The following EML6 variants were observed in gnomAD, a reference collection of about 807,000 sequenced individuals.
The protein encoded by EML6 is EMAP like 6.
A neutral mutation model predicts 240.1 loss-of-function variants in EML6; 154 were observed. The ratio of observed to expected loss-of-function variants is 0.64; its 90% CI spans 0.56 to 0.73. The LOEUF is 0.73. Among genes scored for constraint, EML6 ranks in the 30% least tolerant of loss-of-function variants. The pLI is 0.00. For missense variants in EML6, 2,964 were observed against 2,474.6 expected, an observed-to-expected ratio of 1.20 and a Z score of -4.20; for synonymous variants, 1,148 against 899.0, an observed-to-expected ratio of 1.28 and a Z score of -4.95.
intron 32 of EML6, among the ~76,000 whole-genome samples, chr2:54,954,745 C>A (rs913575332): frequency 2.0e-5 from 3 of 152,192 alleles, no homozygotes; most frequent in African/African-American, 7.2e-5. Context: ...ACACAAGCTG[C>A]AACTGAATGT....
chr2:54,924,859 A>C (rs1231281464), intron 26 of EML6, among the ~76,000 whole-genome samples: 1 of 151,490 alleles, frequency 6.6e-6, no homozygotes, highest in African/African-American at 2.4e-5. Context: ...CACTGCACCC[A>C]GCCTCTTCTT....
At chr2:54,803,806 C>G (rs1670307825) in intron 2 of EML6, among the ~76,000 whole-genome samples, 1 of 152,172 alleles carries the variant, frequency 6.6e-6, no homozygotes, top group Non-Finnish European at 1.5e-5. Context: ...AAATTCTCCT[C>G]CTCTTAGAGT....
At chr2:54,908,351 A>T (rs1453390945) in intron 24 of EML6, among the ~76,000 whole-genome samples, 2 of 152,076 alleles carry the variant, frequency 1.3e-5, no homozygotes, top group African/African-American at 4.8e-5. Flanking sequence ...CTGAGACCAC[A>T]GGTGCCTGCC....
At chr2:54,921,427 A>G (rs2104349559) in intron 26 of EML6, among the ~76,000 whole-genome samples, 1 of 152,286 alleles carries the variant, frequency 6.6e-6, no homozygotes, top group Admixed American at 6.5e-5. Context: ...AAATCGAAGA[A>G]GACACAAATA....
At chr2:54,914,404 C>T (rs1458804507) in intron 25 of EML6, among the ~76,000 whole-genome samples, 1 of 152,038 alleles carries the variant, frequency 6.6e-6, no homozygotes, top group African/African-American at 2.4e-5. Flanking sequence ...TTTAGTGCCC[C>T]CAAATAAGTA....
chr2:54,939,388 A>T (rs1217312661), intron 28 of EML6, among the ~76,000 whole-genome samples: 1 of 152,116 alleles, frequency 6.6e-6, no homozygotes, highest in Admixed American at 6.5e-5. Context: ...GTGATAGTGG[A>T]TGTTTAGGAG....
intron 2 of EML6, among the ~76,000 whole-genome samples, chr2:54,788,263 C>G (rs546641198): frequency 1.3e-5 from 2 of 152,192 alleles, no homozygotes; most frequent in Admixed American, 1.3e-4. Context: ...GGGCTGCCCT[C>G]TTCTCTCTGG....
chr2:54,888,380 A>G (rs775975064), intron 17 of EML6, among the ~76,000 whole-genome samples: 5 of 152,210 alleles, frequency 3.3e-5, no homozygotes, highest in Admixed American at 6.5e-5. Flanking sequence ...CCTGGGTTAC[A>G]TGATAACTGA....
intron 24 of EML6, among the ~76,000 whole-genome samples, chr2:54,903,705 T>A (rs1673175357): frequency 6.6e-6 from 1 of 152,238 alleles, no homozygotes; most frequent in Admixed American, 6.5e-5. Flanking sequence ...ACGCTTAGGA[T>A]GATTATTGTC....
rs576496031 is a variant in EML6 at position 54,910,944 on chromosome 2, G to T, written c.3410-10G>T. 4.7e-6 allele frequency: 7 copies of T among 1,491,418 alleles called. No homozygotes were observed. Among genetic ancestry groups the T allele is most frequent in the Non-Finnish European group, 5.5e-6 (6 of 1,095,718 alleles). The allele number at this position is 1,491,418 out of a possible 1,614,324, so 92.4% of individuals were successfully genotyped here. ...TTTAATTATCTCTCTACTTCGTTCT[G>T]TCGTAACAGGAAAATTATTGCAAGT... On this transcript the variant is annotated splice_polypyrimidine_tract_variant and intron_variant, in intron 24 of 41. Transcript: ENST00000356458.
At position 54,816,837 on chromosome 2, in the gene EML6, C is replaced by T. The variant is rs377645256; in HGVS notation, c.408C>T (p.Asp136=). 2 of 1,551,544 alleles carry T rather than the reference C, an allele frequency of 1.3e-6. No individual in the cohort carries two copies. ...CCAAAAACACAGTCTGCATTTGGGA[C>T]TGGAGGAAGGGAAAACTTCTGGCGT... is the stretch of plus-strand genomic sequence containing the variant. ...LDAKNTVCIW[D]WRKGKLLASA... is the part of the protein sequence containing the mutation. The change falls in exon 4 of 42, where the codon GAC becomes GAT. Residue 136 remains aspartate, a synonymous_variant. Transcript: ENST00000356458.
intron 39 of EML6, among the ~76,000 whole-genome samples, 191 bp from the exon 40 acceptor site, chr2:54,967,937 A>C (rs1676819815): frequency 6.6e-6 from 1 of 152,168 alleles, no homozygotes; most frequent in African/African-American, 2.4e-5. Context: ...ATGCTCCGCC[A>C]CCACTGCTCA....
intron 2 of EML6, among the ~76,000 whole-genome samples, chr2:54,780,025 G>T (rs1310914634): frequency 6.6e-6 from 1 of 151,976 alleles, no homozygotes; most frequent in Non-Finnish European, 1.5e-5. Context: ...TAGGAGGTGG[G>T]ACTCCCACTC....
At position 54,907,005 on chromosome 2, in the gene EML6, G is replaced by A. The variant is rs528534103; in HGVS notation, c.3409+3503G>A. Reference sequence around the variant, plus strand: ...GATGGCACAGCCGCCAGCCTCAGCAGCCTCTTGTGCCCATGGCAACTACAG... The same window carrying A: ...GATGGCACAGCCGCCAGCCTCAGCAACCTCTTGTGCCCATGGCAACTACAG... On this transcript the variant is annotated intron_variant, in intron 24 of 41. Coordinates refer to ENST00000356458, the MANE Select transcript of EML6 (RefSeq NM_001039753.4). 4.6e-5 allele frequency among the ~76,000 whole-genome samples: 7 copies of A among 152,294 alleles called. No homozygotes were observed. The South Asian group carries it at 1.5e-3, about 32-fold the overall frequency.
At chr2:54,823,116 G>A (rs1391372068) in intron 5 of EML6, among the ~76,000 whole-genome samples, 2 of 152,140 alleles carry the variant, frequency 1.3e-5, no homozygotes, top group East Asian at 1.9e-4. Flanking sequence ...AAAAACAGAC[G>A]CCACTTTCAA....
chr2:54,874,830 T>G (rs990269047), intron 16 of EML6, among the ~76,000 whole-genome samples: 2 of 152,180 alleles, frequency 1.3e-5, no homozygotes, highest in Admixed American at 1.3e-4. Context: ...CTTAAATCCT[T>G]GCAACCACTT....
At chr2:54,942,245 A>T (rs1227047250) in intron 28 of EML6, among the ~76,000 whole-genome samples, 2 of 152,232 alleles carry the variant, frequency 1.3e-5, no homozygotes, top group Non-Finnish European at 2.9e-5. Flanking sequence ...TGATTTTTAG[A>T]AGCTTAATGT....
intron 4 of EML6, among the ~76,000 whole-genome samples, chr2:54,818,177 C>A (rs981093967): frequency 2.3e-4 from 35 of 152,222 alleles, no homozygotes; most frequent in Admixed American, 5.2e-4. Flanking sequence ...ACTAAAGTTA[C>A]AAACAGTTTA....
chr2:54,928,539 C>A, intron 27 of EML6, 25 bp downstream of exon 27: 1 of 1,547,336 alleles, frequency 6.5e-7, no homozygotes, highest in South Asian at 1.2e-5. Context: ...TGCCACATGC[C>A]TCCTGCGCCG....
Sources: gnomAD v4.1 joint callset for allele counts (sites outside exome capture counted in the v4.1 genomes callset) on GRCh38, gnomAD v4.1.1 for gene constraint, MANE v1.5 for transcripts, NCBI Gene and HGNC (gene_info 2026-07-23, HGNC 2026-07-21) for gene names.